C1orf167: variants seen among roughly 807,000 people sequenced by gnomAD.
C1orf167 encodes the protein chromosome 1 open reading frame 167, also known as uncharacterized protein C1orf167.
A neutral mutation model predicts 176.5 loss-of-function variants in C1orf167; 153 were observed. The observed-to-expected ratio is 0.87, with a 90% confidence interval of 0.76 to 0.99. The LOEUF (loss-of-function observed/expected upper bound fraction) is 0.99, where lower values mean the gene tolerates loss of function less well. C1orf167 is among the 50% of genes least tolerant of loss of function. The pLI is 0.00. For synonymous variants in C1orf167, 594 were observed against 752.7 expected (o/e 0.79, Z 3.45); for missense variants, 1,490 against 1,817.7 (o/e 0.82, Z 3.28).
chr1:11,771,480 T>C, intron 6 of C1orf167, 44 bp from the exon 7 acceptor site: 2 of 1,242,966 alleles, frequency 1.6e-6, no homozygotes, highest in Non-Finnish European at 2.1e-6. Context: ...CGAGTGCCCT[T>C]CCTCCCGGGT....
Position 11,789,024 on chromosome 1 carries a change from A to G in C1orf167, c.4174-246A>G, listed in dbSNP as rs984487446. On this transcript the variant is annotated intron_variant, in intron 20 of 20. Transcript: ENST00000688073. Reference sequence around the variant, plus strand: ...GCATGGCTGCCACTCACACTAGCCCATGGAGGGCCTGGGTCCTGAGCGCCC... The same window carrying G: ...GCATGGCTGCCACTCACACTAGCCCGTGGAGGGCCTGGGTCCTGAGCGCCC... The G allele has an allele frequency of 1.2e-4, 46 of 389,880 alleles. No homozygotes were observed. The East Asian group carries it at 3.4e-3, about 29-fold the overall frequency. The allele number at this position is 389,880 out of a possible 1,614,324, so 24.2% of individuals were successfully genotyped here. A position where few individuals can be genotyped will look rare whatever the true frequency, so the allele number is the denominator to read the frequency against.
In C1orf167 at chr1:11,769,037, C is replaced by T. The variant is rs781254136; in HGVS notation, c.1607C>T (p.Pro536Leu). Reference sequence around the variant, plus strand: ...CACATGCAGGCTGGGCCAGGGTCCCCGCCCTCCAGGAGAGCCCAGGGCAAA... The same window carrying T: ...CACATGCAGGCTGGGCCAGGGTCCCTGCCCTCCAGGAGAGCCCAGGGCAAA... The part of the protein sequence containing the change: ...QPHMQAGPGS[P>L]PSRRAQGKGL... Residue 536 changes from proline (P) to leucine (L), a missense_variant, in exon 6 of 21, where the codon CCG becomes CTG. Pro to Leu is a moderately conservative substitution (Grantham distance 98). Coordinates refer to ENST00000688073, the MANE Select transcript of C1orf167 (RefSeq NM_001010881.2). 20 of 985,758 alleles carry T rather than the reference C, an allele frequency of 2.0e-5. No individual in the cohort carries two copies. The highest frequency in any genetic ancestry group is 7.0e-5 in the African/African-American group (4 of 57,216). The allele number at this position is 985,758 out of a possible 1,614,324, so 61.1% of individuals were successfully genotyped here.
rs1215039756 is a variant in C1orf167 at position 11,788,336 on chromosome 1, C to T, written c.4036C>T (p.Leu1346=). ...GQVPGSGMAA[L]GGCPRGRAAG... ...GGTGCCTGGCAGTGGCATGGCAGCA[C>T]TGGGTGGATGCCCAAGGGGCAGAGC... Residue 1346 remains leucine, a synonymous_variant, in exon 19 of 21, where the codon CTG becomes TTG. Transcript: ENST00000688073. 11 of 1,301,240 alleles carry T rather than the reference C, an allele frequency of 8.5e-6. No individual in the cohort carries two copies. Among genetic ancestry groups the T allele is most frequent in the South Asian group, 1.2e-5 (1 of 80,932 alleles). 80.6% of individuals were successfully genotyped at this position (1,301,240 alleles called of 1,614,324 possible).
intron 6 of C1orf167, among the ~76,000 whole-genome samples, chr1:11,769,951 C>T (rs574703216): frequency 9.2e-5 from 14 of 152,182 alleles, no homozygotes; most frequent in African/African-American, 1.7e-4. Flanking sequence ...CCAGCCACCA[C>T]GCCTGGCCAG....
In C1orf167 at chr1:11,772,092, G is replaced by T. The variant is rs111720346; in HGVS notation, c.1821G>T (p.Leu607=). Residue 607 remains leucine (L), a synonymous_variant, in exon 8 of 21, where the codon CTG becomes CTT. Transcript: ENST00000688073. The part of the protein sequence containing the change: ...LQALQLAVFF[L]WCQQKKRARQ... ...TCCCTCTCTCCTTAGTGTTCTTCCT[G>T]TGGTGCCAACAGAAGAAACGGGCCA... The T allele has an allele frequency of 2.0e-5, 26 of 1,303,674 alleles. No homozygotes were observed. In the African/African-American group the frequency reaches 2.6e-4, roughly 13 times the overall value. 80.8% of individuals were successfully genotyped at this position (1,303,674 alleles called of 1,614,324 possible). A position where few individuals can be genotyped will look rare whatever the true frequency, so the allele number is the denominator to read the frequency against.
rs1643707322 is a variant in C1orf167, at chr1:11,783,890, T to A, written c.3006-284T>A. On this transcript the variant is annotated intron_variant, in intron 14 of 20. Transcript: ENST00000688073. Reference sequence around the variant, plus strand: ...TTGTTTTTTTGAGATGGAGTTTCACTCTTGTCACCCAGGCTGGAGTGCACT... The same window carrying A: ...TTGTTTTTTTGAGATGGAGTTTCACACTTGTCACCCAGGCTGGAGTGCACT... 3.9e-5 allele frequency among the ~76,000 whole-genome samples: 6 copies of A among 152,252 alleles called. No individual in the cohort carries two copies. In the South Asian group the frequency reaches 1.2e-3, roughly 32 times the overall value.
At chr1:11,776,929 C>T (rs1013725099) in intron 10 of C1orf167, 6 of 159,438 alleles carry the variant, frequency 3.8e-5, no homozygotes, top group Non-Finnish European at 8.3e-5. Context: ...TGGCCGGAAC[C>T]CTAGTGAATG....
At chr1:11,779,771 C>A in intron 12 of C1orf167, 31 bp from the exon 13 acceptor site, 1 of 1,277,306 alleles carries the variant, frequency 7.8e-7, no homozygotes, top group South Asian at 1.3e-5. Flanking sequence ...GGGACAGTGG[C>A]CATCCTCAGG....
At chr1:11,770,549 TTCTCCCGCCTCAG>T (rs2100281049) in intron 6 of C1orf167, among the ~76,000 whole-genome samples, 1 of 151,276 alleles carries the variant, frequency 6.6e-6, no homozygotes, top group Non-Finnish European at 1.5e-5. Context: ...GTTCAAGCGA[TTCTCCCGCCTCAG>T]GCTCCCAAGT....
At position 11,769,139 on chromosome 1, in the gene C1orf167, T is replaced by A; in HGVS notation, c.1697+12T>A. ...CTGGAACACACCAGGTTGGTCAGTG[T>A]TGCCTGGGAAGCCGGTGGCCTTTCT... On this transcript the variant is annotated intron_variant, in intron 6 of 20. Transcript: ENST00000688073. The A allele has an allele frequency of 1.0e-6, 1 of 985,926 alleles. No individual in the cohort carries two copies. The highest frequency in any genetic ancestry group is 1.2e-6 in the Non-Finnish European group (1 of 829,974). 61.1% of individuals were successfully genotyped at this position (985,926 alleles called of 1,614,324 possible). A position where few individuals can be genotyped will look rare whatever the true frequency, so the allele number is the denominator to read the frequency against.
In C1orf167 at chr1:11,762,239, C is replaced by A; in HGVS notation, c.-137C>A. On this transcript the variant is annotated 5_prime_UTR_variant, in exon 1 of 21. Coordinates refer to ENST00000688073, the MANE Select transcript of C1orf167 (RefSeq NM_001010881.2). ...CCTGCCGACCTGCGGGGATCGTTAG[C>A]GGTCCCAGCCCCCGTCTAGATTCAA... is the stretch of plus-strand genomic sequence containing the variant. 2.3e-6 allele frequency: 1 copy of A among 440,244 alleles called. No homozygotes were observed. Among genetic ancestry groups the A allele is most frequent in the Non-Finnish European group, 4.6e-6 (1 of 216,798 alleles). The allele number at this position is 440,244 out of a possible 1,614,324, so 27.3% of individuals were successfully genotyped here.
rs142383064 is a variant in C1orf167, at chr1:11,771,359, C to T, written c.1698-165C>T. On this transcript the variant is annotated intron_variant, in intron 6 of 20. Coordinates refer to ENST00000688073, the MANE Select transcript of C1orf167 (RefSeq NM_001010881.2). Reference sequence around the variant, plus strand: ...GAGCAGAACCTCCCCCCAGCAATAGCTTTTAAATCCGACATAAAATAAACT... The same window carrying T: ...GAGCAGAACCTCCCCCCAGCAATAGTTTTTAAATCCGACATAAAATAAACT... Among the ~76,000 whole-genome samples, 906 of 152,094 alleles carry T rather than the reference C, an allele frequency of 6.0e-3. 11 individuals are homozygous for T. The highest frequency in any genetic ancestry group is 0.02 in the African/African-American group (842 of 41,454).
At position 11,784,594 on chromosome 1, in the gene C1orf167, G is replaced by A. The variant is rs769645341; in HGVS notation, c.3425+1G>A. On this transcript the variant is annotated splice_donor_variant, in intron 15 of 20. Transcript: ENST00000688073. LOFTEE classifies it high-confidence loss of function. ...ATGCTTCCTGGAAGCCGCGAGCCTG[G>A]TGAGTGCTGTGGTCTAAGTGCAGCC... is the stretch of plus-strand genomic sequence containing the variant. 4 of 1,245,588 alleles carry A rather than the reference G, an allele frequency of 3.2e-6. No homozygotes were observed. The South Asian group carries it at 5.6e-5, about 17-fold the overall frequency. The allele number at this position is 1,245,588 out of a possible 1,614,324, so 77.2% of individuals were successfully genotyped here.
At chr1:11,775,290 A>AAAC (rs1359457773) in intron 8 of C1orf167, 145 bp from the exon 9 acceptor site, 25 of 581,096 alleles carry the variant, frequency 4.3e-5, no homozygotes, top group South Asian at 7.9e-5. Flanking sequence ...CTCCGTCTAC[A>AAAC]AACAACAACA....
In C1orf167 at chr1:11,780,017, G is replaced by A. The variant is rs1337946278; in HGVS notation, c.2860+7G>A. On this transcript the variant is annotated splice_region_variant and intron_variant, in intron 13 of 20. Coordinates refer to ENST00000688073, the MANE Select transcript of C1orf167 (RefSeq NM_001010881.2). ...TGGCACTCCTGTTGGCAGGGTGAGT[G>A]GAGACTTGGTCGGGGGCACTGCGGG... 2 of 1,270,634 alleles carry A rather than the reference G, an allele frequency of 1.6e-6. No homozygotes were observed. Among genetic ancestry groups the A allele is most frequent in the South Asian group, 1.3e-5 (1 of 77,348 alleles). The allele number at this position is 1,270,634 out of a possible 1,614,324, so 78.7% of individuals were successfully genotyped here. A position where few individuals can be genotyped will look rare whatever the true frequency, so the allele number is the denominator to read the frequency against.
At chr1:11,776,315 A>T in intron 9 of C1orf167, 149 bp from the exon 10 acceptor site, 1 of 616,136 alleles carries the variant, frequency 1.6e-6, no homozygotes, top group Non-Finnish European at 2.3e-6. Flanking sequence ...GGGATCTTTG[A>T]GGTGACCTGG....
chr1:11,771,049 GTATA>G (rs869122966), intron 6 of C1orf167, among the ~76,000 whole-genome samples: 3 of 34,890 alleles, frequency 8.6e-5, no homozygotes, highest in African/African-American at 3.0e-4. Flanking sequence ...GTGTGTGTGT[GTATA>G]TATATATATA....
chr1:11,766,865 G>C lies in C1orf167; in HGVS notation c.1079G>C (p.Trp360Ser). The C allele has an allele frequency of 1.6e-6, 2 of 1,276,894 alleles. No homozygotes were observed. The highest frequency in any genetic ancestry group is 4.7e-5 in the Admixed American group (2 of 42,470). The allele number at this position is 1,276,894 out of a possible 1,614,324, so 79.1% of individuals were successfully genotyped here. A position where few individuals can be genotyped will look rare whatever the true frequency, so the allele number is the denominator to read the frequency against. The change falls in exon 3 of 21, where the codon TGG becomes TCG. Residue 360 changes from tryptophan to serine, a missense_variant. Trp to Ser is a radical substitution (Grantham distance 177, BLOSUM62 -3). Transcript: ENST00000688073. This position sits in a 1 kb window ranked among gnomAD's most constrained non-coding sequence, Gnocchi z 4.5. ...PLGSGDSCSP[W>S]SQDGRAQRGD... ...GGGTCAGGGGACAGCTGCTCCCCCT[G>C]GTCTCAAGATGGCAGGGCACAGAGG...
chr1:11,787,163 A>G (rs974216496), intron 16 of C1orf167: 4 of 206,376 alleles, frequency 1.9e-5, no homozygotes, highest in Non-Finnish European at 3.1e-5. Flanking sequence ...AAATGTTTTC[A>G]GTGGGGAGAG....
Sources: gnomAD v4.1 joint callset for allele counts (sites outside exome capture counted in the v4.1 genomes callset) on GRCh38, gnomAD v4.1.1 for gene constraint, Gnocchi (gnomAD v3.1) non-coding constraint, MANE v1.5 for transcripts, NCBI Gene and HGNC (gene_info 2026-07-23, HGNC 2026-07-21) for gene names.